CCDC146: variants seen among roughly 807,000 people sequenced by gnomAD.
CCDC146 encodes coiled-coil domain containing 146, also known as coiled-coil domain-containing protein 146.
In CCDC146, 92 loss-of-function variants were observed where a neutral mutation model predicts 119.3. That is an observed-to-expected ratio of 0.77 (90% confidence interval 0.65 to 0.92). The LOEUF (loss-of-function observed/expected upper bound fraction) is 0.92, where lower values mean the gene tolerates loss of function less well. CCDC146 is among the 40% of genes least tolerant of loss of function. The pLI, the probability that CCDC146 is intolerant of heterozygous loss-of-function variation, is 0.00. For synonymous variants in CCDC146, 372 were observed against 371.8 expected (o/e 1.00, Z -0.01); for missense variants, 1,000 against 1,103.0 (o/e 0.91, Z 1.32).
At position 77,134,555 on chromosome 7, in the gene CCDC146, G is replaced by GTGTGTC. The variant is rs1298729149; in HGVS notation, c.-12+11828_-12+11829insCTGTGT. Among the ~76,000 whole-genome samples the GTGTGTC allele has an allele frequency of 1.7e-3, 174 of 103,780 alleles. No homozygotes were observed. The East Asian group carries it at 0.038, about 23-fold the overall frequency. The allele number at this position is 103,780 out of a possible 152,430, so 68.1% of individuals were successfully genotyped here. On this transcript the variant is annotated intron_variant, in intron 1 of 18. Transcript: ENST00000285871. The stretch of plus-strand genomic sequence containing the variant: ...CTAAGGCCACTCTGTGTGTGTGTGT[G>GTGTGTC]TGTGTGTCTGTGTGTGTGTGTGTGT...
chr7:77,185,519 A>C (rs1791653931), intron 2 of CCDC146, among the ~76,000 whole-genome samples: 1 of 152,206 alleles, frequency 6.6e-6, no homozygotes, highest in Non-Finnish European at 1.5e-5. Flanking sequence ...AGTCTGCAAG[A>C]ACCACAGTGT....
intron 2 of CCDC146, among the ~76,000 whole-genome samples, chr7:77,179,993 A>G (rs1791557826): frequency 6.6e-6 from 1 of 152,170 alleles, no homozygotes; most frequent in South Asian, 2.1e-4. Flanking sequence ...AGGTTGGTTC[A>G]TGTTGTAGCA....
At chr7:77,179,876 A>G (rs1288592841) in intron 2 of CCDC146, among the ~76,000 whole-genome samples, 3 of 152,064 alleles carry the variant, frequency 2.0e-5, no homozygotes, top group African/African-American at 7.2e-5. Context: ...CTTTTCTCCT[A>G]CTTTGTTTCC....
At chr7:77,170,476 C>T (rs574528882) in intron 2 of CCDC146, among the ~76,000 whole-genome samples, 1 of 152,076 alleles carries the variant, frequency 6.6e-6, no homozygotes, top group African/African-American at 2.4e-5. Context: ...ATCTATTTTC[C>T]TTTGGTTTTA....
At chr7:77,185,444 T>G (rs2150419525) in intron 2 of CCDC146, among the ~76,000 whole-genome samples, 1 of 152,292 alleles carries the variant, frequency 6.6e-6, no homozygotes, top group African/African-American at 2.4e-5. Flanking sequence ...CACCCAAATC[T>G]CATCTTGAAC....
chr7:77,269,932 T>A (rs928455476), intron 9 of CCDC146, among the ~76,000 whole-genome samples: 3 of 152,178 alleles, frequency 2.0e-5, no homozygotes. Flanking sequence ...TGAACATTTT[T>A]TCAGACTTGC....
chr7:77,132,135 T>C (rs1037483034), intron 1 of CCDC146, among the ~76,000 whole-genome samples: 1 of 151,958 alleles, frequency 6.6e-6, no homozygotes, highest in African/African-American at 2.4e-5. Flanking sequence ...AGGTGAATTC[T>C]ACCAGACATT....
At chr7:77,151,562 T>A (rs1791109053) in intron 1 of CCDC146, among the ~76,000 whole-genome samples, 1 of 152,208 alleles carries the variant, frequency 6.6e-6, no homozygotes, top group South Asian at 2.1e-4. Flanking sequence ...AAAATCTCAT[T>A]GAATTGTACA....
At chr7:77,159,759 G>C (rs71217108) in intron 1 of CCDC146, among the ~76,000 whole-genome samples, 1 of 152,028 alleles carries the variant, frequency 6.6e-6, no homozygotes, top group Non-Finnish European at 1.5e-5. Flanking sequence ...AGTGTACAAG[G>C]GTTCCTTTTT....
At chr7:77,277,957 T>C (rs927935264) in intron 11 of CCDC146, among the ~76,000 whole-genome samples, 11 of 152,236 alleles carry the variant, frequency 7.2e-5, no homozygotes, top group Admixed American at 1.3e-4. Context: ...ATATATTTTT[T>C]AGAACTCTAG....
At chr7:77,275,663 C>T (rs1431487356) in intron 11 of CCDC146, among the ~76,000 whole-genome samples, 2 of 152,158 alleles carry the variant, frequency 1.3e-5, no homozygotes, top group Non-Finnish European at 2.9e-5. Context: ...ATCAAGACAG[C>T]ATCATTTAAT....
At position 77,279,110 on chromosome 7, in the gene CCDC146, T is replaced by C; in HGVS notation, c.1694+9T>C. 6.2e-7 allele frequency: 1 copy of C among 1,608,258 alleles called. No individual in the cohort carries two copies. The highest frequency in any genetic ancestry group is 8.5e-7 in the Non-Finnish European group (1 of 1,178,086). On this transcript the variant is annotated intron_variant, in intron 13 of 18. Transcript: ENST00000285871. ...GCCGTTAGTCAAGAAAGGTAAGTGT[T>C]ATAATAACTATTGGCCTTTCAAAGG...
intron 1 of CCDC146, among the ~76,000 whole-genome samples, chr7:77,151,037 C>T (rs1200125200): frequency 3.9e-5 from 6 of 152,216 alleles, no homozygotes; most frequent in Admixed American, 3.9e-4. Flanking sequence ...TTATTTCTCA[C>T]AGTTCTGGAG....
In CCDC146 at chr7:77,259,996, G is replaced by GTA. The variant is rs773334772; in HGVS notation, c.759-11_759-10dup. ...TGTGTGTGTGTGTGTGTGTGTGTGT[G>GTA]TATCCCCTACAGAGAAATGGAAAAG... is the stretch of plus-strand genomic sequence containing the variant. On this transcript the variant is annotated splice_polypyrimidine_tract_variant and intron_variant, in intron 7 of 18. Transcript: ENST00000285871. 47 of 960,352 alleles carry GTA rather than the reference G, an allele frequency of 4.9e-5. No individual in the cohort carries two copies. The African/African-American group carries it at 7.6e-4, about 16-fold the overall frequency. The allele number at this position is 960,352 out of a possible 1,614,324, so 59.5% of individuals were successfully genotyped here.
At chr7:77,271,543 T>G (rs1259191023) in intron 9 of CCDC146, among the ~76,000 whole-genome samples, 7 of 108,730 alleles carry the variant, frequency 6.4e-5, no homozygotes, top group African/African-American at 2.7e-4. Context: ...TATATATATA[T>G]ATATATATAT....
chr7:77,282,252 T>G, intron 14 of CCDC146: 1 of 273,292 alleles, frequency 3.7e-6, no homozygotes, highest in Non-Finnish European at 6.9e-6. Context: ...TGGGATCACT[T>G]TGTTTGTGCA....
intron 5 of CCDC146, among the ~76,000 whole-genome samples, chr7:77,254,863 A>G (rs1178563903): frequency 6.6e-6 from 1 of 152,262 alleles, no homozygotes; most frequent in Non-Finnish European, 1.5e-5. Context: ...TTATTTTGCT[A>G]TAGCTATCAC....
At chr7:77,254,060 T>C (rs1022143387) in intron 4 of CCDC146, among the ~76,000 whole-genome samples, 1 of 152,162 alleles carries the variant, frequency 6.6e-6, no homozygotes, top group African/African-American at 2.4e-5. Flanking sequence ...AGTGATCTTA[T>C]TTACATGTTA....
intron 11 of CCDC146, among the ~76,000 whole-genome samples, chr7:77,276,492 G>A (rs1296256061): frequency 6.6e-6 from 1 of 152,164 alleles, no homozygotes; most frequent in Non-Finnish European, 1.5e-5. Context: ...ACTAAAAGAA[G>A]TTCAGGATGG....
Sources: gnomAD v4.1 joint callset for allele counts (sites outside exome capture counted in the v4.1 genomes callset) on GRCh38, gnomAD v4.1.1 for gene constraint, MANE v1.5 for transcripts, NCBI Gene and HGNC (gene_info 2026-07-23, HGNC 2026-07-21) for gene names.